Variants in TENM1 observed in about 807,000 individuals in gnomAD.
TENM1 encodes the protein teneurin-1.
Under a neutral mutation model 174.8 loss-of-function variants are expected in TENM1, and 35 were observed. The ratio of observed to expected loss-of-function variants is 0.20; its 90% CI spans 0.15 to 0.27. The LOEUF (loss-of-function observed/expected upper bound fraction) is 0.27, where lower values mean the gene tolerates loss of function less well. TENM1 is among the 10% of genes least tolerant of loss of function. The pLI is 1.00. For missense variants in TENM1, 1,633 were observed against 2,130.1 expected, an observed-to-expected ratio of 0.77 and a Z score of 4.59; for synonymous variants, 781 against 798.7, an observed-to-expected ratio of 0.98 and a Z score of 0.37.
chrX:124,843,416 T>C (rs1230175313), intron 3 of TENM1, among the ~76,000 whole-genome samples: 3 of 111,078 alleles, frequency 2.7e-5, no homozygotes, highest in African/African-American at 9.8e-5. Flanking sequence ...TTACAGAATG[T>C]GCTGCTTGCC....
the TENM1 span, among the ~76,000 whole-genome samples, chrX:125,127,899 T>C: frequency 1.8e-5 from 2 of 110,970 alleles, no homozygotes; most frequent in African/African-American, 3.3e-5. Flanking sequence ...TATGAAGAGG[T>C]AGTTAGGCAG....
chrX:125,041,190 T>C, the TENM1 span, among the ~76,000 whole-genome samples: 2 of 111,775 alleles, frequency 1.8e-5, no homozygotes, highest in Admixed American at 1.9e-4. Context: ...ATTTAGAACA[T>C]CCATAGTATT....
intron 3 of TENM1, among the ~76,000 whole-genome samples, chrX:124,782,864 A>C (rs1743960245): frequency 2.7e-5 from 3 of 111,494 alleles, no homozygotes. Flanking sequence ...TAACAGTTTA[A>C]ACTTTTTGAA....
chrX:125,027,431 A>C, the TENM1 span, among the ~76,000 whole-genome samples: 19 of 111,625 alleles, frequency 1.7e-4, no homozygotes, highest in Non-Finnish European at 3.2e-4. Flanking sequence ...AGGAGAGATA[A>C]AGTATGTTCA....
chrX:124,671,255 C>G (rs2051913477), intron 6 of TENM1, among the ~76,000 whole-genome samples: 2 of 110,715 alleles, frequency 1.8e-5, no homozygotes, highest in African/African-American at 6.6e-5. Context: ...CATAAACATT[C>G]ACCTTTACAT....
At chrX:124,991,116 T>C in the TENM1 span, among the ~76,000 whole-genome samples, 1 of 111,455 alleles carries the variant, frequency 9.0e-6, no homozygotes. Context: ...CTGAACTTAA[T>C]CTGATATCCT....
At chrX:124,443,669 T>C (rs929553878) in intron 23 of TENM1, among the ~76,000 whole-genome samples, 1 of 112,047 alleles carries the variant, frequency 8.9e-6, no homozygotes, top group Non-Finnish European at 1.9e-5. Context: ...AGATCTTCAA[T>C]TGTATTATGA....
At chrX:125,160,544 C>CAAA in the TENM1 span, among the ~76,000 whole-genome samples, 339 of 28,918 alleles carry the variant, frequency 0.012, 41 homozygotes, top group African/African-American at 0.019. Flanking sequence ...GACCCCGTCT[C>CAAA]AAAAAAAAAA....
intron 17 of TENM1, 65 bp downstream of exon 20, chrX:124,523,299 T>C: frequency 2.8e-6 from 3 of 1,068,476 alleles, no homozygotes; most frequent in Non-Finnish European, 3.8e-6. Flanking sequence ...GGAATTTAGC[T>C]ATTATACACT....
chrX:124,986,217 G>A, the TENM1 span, among the ~76,000 whole-genome samples: 3 of 111,340 alleles, frequency 2.7e-5, no homozygotes, highest in African/African-American at 9.8e-5. Context: ...GCTTTGGGAG[G>A]GGCTAGACAA....
chrX:124,878,756 C>G (rs1486652298), intron 3 of TENM1, among the ~76,000 whole-genome samples: 1 of 111,411 alleles, frequency 9.0e-6, no homozygotes, highest in Non-Finnish European at 1.9e-5. Context: ...GACACACAGA[C>G]AAATATAACT....
At chrX:124,967,074 A>C (rs989219936), upstream of TENM1, among the ~76,000 whole-genome samples, 55 of 112,175 alleles carry the variant, frequency 4.9e-4, no homozygotes, top group African/African-American at 1.7e-3. Context: ...AGACAAAAAC[A>C]GTAATGTTTG....
At chrX:125,182,943 C>T in the TENM1 span, among the ~76,000 whole-genome samples, 1 of 111,874 alleles carries the variant, frequency 8.9e-6, no homozygotes, top group East Asian at 2.8e-4. Context: ...AAATAGATGT[C>T]AGAGGCATTT....
At chrX:124,548,579 C>T (rs1354057870) in intron 14 of TENM1, among the ~76,000 whole-genome samples, 1 of 111,785 alleles carries the variant, frequency 8.9e-6, no homozygotes, top group African/African-American at 3.3e-5. Context: ...CTTCCCAGGT[C>T]CTTAAAGAAG....
intron 3 of TENM1, among the ~76,000 whole-genome samples, chrX:124,800,267 C>T (rs934772043): frequency 3.0e-4 from 33 of 111,845 alleles, no homozygotes; most frequent in African/African-American, 1.1e-3. Context: ...CTAATTACTG[C>T]TTCAATTTCA....
intron 18 of TENM1, among the ~76,000 whole-genome samples, chrX:124,509,630 G>A (rs2047532325): frequency 9.0e-6 from 1 of 110,571 alleles, no homozygotes; most frequent in African/African-American, 3.3e-5. Context: ...GTGAAGCACT[G>A]GAGATATACT....
intron 5 of TENM1, among the ~76,000 whole-genome samples, chrX:124,697,859 T>C (rs767769631): frequency 2.6e-4 from 29 of 111,712 alleles, no homozygotes; most frequent in African/African-American, 9.1e-4. Context: ...CTTTTGCATG[T>C]AAATTCTTGT....
At chrX:125,114,782 C>T in the TENM1 span, among the ~76,000 whole-genome samples, 4 of 111,188 alleles carry the variant, frequency 3.6e-5, no homozygotes, top group South Asian at 7.6e-4. Context: ...CAGGACCAGA[C>T]GGATTCACAG....
At chrX:125,127,552 G>T in the TENM1 span, among the ~76,000 whole-genome samples, 6 of 111,737 alleles carry the variant, frequency 5.4e-5, no homozygotes, top group Non-Finnish European at 1.1e-4. Context: ...TATCAGAAGA[G>T]ATTTAAGAAA....
Sources: allele counts gnomAD v4.1 joint callset (sites outside exome capture counted in the v4.1 genomes callset), GRCh38; gene constraint gnomAD v4.1.1; transcripts MANE v1.5; gene names NCBI Gene and HGNC (gene_info 2026-07-23, HGNC 2026-07-21).